The following MECOM variants were observed in gnomAD, a reference collection of about 807,000 sequenced individuals.
MECOM encodes MDS1 and EVI1 complex locus.
Under a neutral mutation model 116.3 loss-of-function variants are expected in MECOM, and 13 were observed. The ratio of observed to expected loss-of-function variants is 0.11; its 90% confidence interval spans 0.07 to 0.18. The LOEUF (loss-of-function observed/expected upper bound fraction) is 0.18, where lower values mean the gene tolerates loss of function less well. Ranked by LOEUF, MECOM falls within the 10% of genes least tolerant of loss-of-function variation. MECOM has a pLI of 1.00. For missense variants in MECOM, 1,299 were observed against 1,509.0 expected (o/e 0.86, Z 2.31); for synonymous variants, 528 against 535.2 (o/e 0.99, Z 0.19).
rs114658530 is a variant in MECOM at position 169,194,777 on chromosome 3, A to C, written c.376-50945T>G. On this transcript the variant is annotated intron_variant, in intron 2 of 16. Coordinates refer to ENST00000651503, the MANE Select transcript of MECOM (RefSeq NM_004991.4). Reference sequence around the variant, plus strand: ...CAGTCAGTCTTTCAACCTCAGAATTAAATAGAGCATCCGCCAAAGTAGTAT... The same window carrying C: ...CAGTCAGTCTTTCAACCTCAGAATTCAATAGAGCATCCGCCAAAGTAGTAT... Among the ~76,000 whole-genome samples the C allele has an allele frequency of 1.3e-3, 200 of 152,188 alleles. 1 individual carries two copies. Among genetic ancestry groups the C allele is most frequent in the African/African-American group, 4.5e-3 (187 of 41,546 alleles).
At chr3:169,582,018 C>T (rs184965023) in intron 1 of MECOM, among the ~76,000 whole-genome samples, 1 of 152,292 alleles carries the variant, frequency 6.6e-6, no homozygotes, top group South Asian at 2.1e-4. Flanking sequence ...GGAATAGACT[C>T]CCAAATATTC....
chr3:169,200,913 T>C (rs767466191), intron 2 of MECOM, among the ~76,000 whole-genome samples: 10 of 152,086 alleles, frequency 6.6e-5, no homozygotes, highest in Non-Finnish European at 1.0e-4. Context: ...CCCCAAAGAC[T>C]TTCCTGACTA....
At chr3:169,614,246 T>C (rs1198373711) in intron 1 of MECOM, among the ~76,000 whole-genome samples, 2 of 151,594 alleles carry the variant, frequency 1.3e-5, no homozygotes, top group Non-Finnish European at 2.9e-5. Context: ...TTTCCCATAC[T>C]CTTAACAAAA....
At chr3:169,202,100 C>T (rs1463283856) in intron 2 of MECOM, among the ~76,000 whole-genome samples, 1 of 152,008 alleles carries the variant, frequency 6.6e-6, no homozygotes, top group Non-Finnish European at 1.5e-5. Flanking sequence ...TTGATAATTA[C>T]CTGTTAATTA....
intron 1 of MECOM, among the ~76,000 whole-genome samples, chr3:169,443,768 G>C (rs1744128877): frequency 6.6e-6 from 1 of 152,228 alleles, no homozygotes; most frequent in Non-Finnish European, 1.5e-5. Flanking sequence ...AAACACAGCA[G>C]AGGTCAGTTT....
At chr3:169,566,661 C>G (rs1228308816) in intron 1 of MECOM, among the ~76,000 whole-genome samples, 1 of 152,146 alleles carries the variant, frequency 6.6e-6, no homozygotes, top group East Asian at 1.9e-4. Context: ...ATCCCATGCT[C>G]CCTGCAGCCA....
At chr3:169,598,710 G>T (rs1577053759) in intron 1 of MECOM, among the ~76,000 whole-genome samples, 1 of 152,156 alleles carries the variant, frequency 6.6e-6, no homozygotes, top group East Asian at 1.9e-4. Flanking sequence ...ACCGCAGTTG[G>T]TGCATATAAA....
intron 2 of MECOM, among the ~76,000 whole-genome samples, chr3:169,363,972 A>C (rs1728749964): frequency 6.6e-6 from 1 of 151,968 alleles, no homozygotes; most frequent in Non-Finnish European, 1.5e-5. Context: ...AAATACACAC[A>C]GATGCTCATC....
chr3:169,276,686 C>T (rs970945175), intron 2 of MECOM, among the ~76,000 whole-genome samples: 2 of 151,964 alleles, frequency 1.3e-5, no homozygotes, highest in Non-Finnish European at 2.9e-5. Context: ...ACTAGATCTT[C>T]TTTATGCCTT....
intron 2 of MECOM, among the ~76,000 whole-genome samples, chr3:169,194,173 C>A (rs1031849605): frequency 3.3e-5 from 5 of 151,900 alleles, no homozygotes; most frequent in Non-Finnish European, 5.9e-5. Context: ...TGATAAAGGA[C>A]CAACAAGGTA....
intron 14 of MECOM, among the ~76,000 whole-genome samples, chr3:169,092,163 T>C (rs1407197725): frequency 1.3e-5 from 2 of 152,046 alleles, no homozygotes; most frequent in Non-Finnish European, 2.9e-5. Context: ...AAAAGCTTTT[T>C]TAAATGAATT....
intron 2 of MECOM, among the ~76,000 whole-genome samples, chr3:169,367,112 T>C (rs1006633609): frequency 2.6e-5 from 4 of 151,972 alleles, no homozygotes; most frequent in Non-Finnish European, 4.4e-5. Flanking sequence ...AAAGACTATA[T>C]TGAATAAGTG....
At position 169,158,489 on chromosome 3, in the gene MECOM, T is replaced by C. The variant is rs182800971; in HGVS notation, c.376-14657A>G. Among the ~76,000 whole-genome samples, 84 of 152,306 alleles carry C rather than the reference T, an allele frequency of 5.5e-4. 1 individual carries two copies. Among genetic ancestry groups the C allele is most frequent in the Admixed American group, 4.2e-3 (64 of 15,298 alleles). On this transcript the variant is annotated intron_variant, in intron 2 of 16. Coordinates refer to ENST00000651503, the MANE Select transcript of MECOM (RefSeq NM_004991.4). ...ATGAGACGGAAACACGAATCATCTG[T>C]TTCCTCAAAAGGAATCAGTGTTCAA...
chr3:169,522,597 T>C (rs964824218), intron 1 of MECOM, among the ~76,000 whole-genome samples: 3 of 152,206 alleles, frequency 2.0e-5, no homozygotes, highest in Admixed American at 1.3e-4. Flanking sequence ...GACCAGGTGA[T>C]CTCGGCATCA....
At chr3:169,580,281 C>T (rs184559437) in intron 1 of MECOM, among the ~76,000 whole-genome samples, 39 of 152,166 alleles carry the variant, frequency 2.6e-4, no homozygotes, top group Admixed American at 9.8e-4. Flanking sequence ...TACATGAATA[C>T]GTTCTTTAGT....
chr3:169,236,702 T>C (rs1388236813), intron 2 of MECOM, among the ~76,000 whole-genome samples: 3 of 152,234 alleles, frequency 2.0e-5, no homozygotes, highest in Non-Finnish European at 4.4e-5. Flanking sequence ...GAAAAGACTC[T>C]TTGACTGTAT....
chr3:169,380,596 A>G (rs906188810), intron 2 of MECOM, among the ~76,000 whole-genome samples: 1 of 152,146 alleles, frequency 6.6e-6, no homozygotes, highest in African/African-American at 2.4e-5. Context: ...GTTTTGATGC[A>G]CAAATTACTC....
intron 2 of MECOM, among the ~76,000 whole-genome samples, chr3:169,302,115 G>A (rs1716830953): frequency 6.6e-6 from 1 of 152,144 alleles, no homozygotes; most frequent in Admixed American, 6.5e-5. Flanking sequence ...CACAATTGGG[G>A]CCCGACAGGA....
intron 1 of MECOM, among the ~76,000 whole-genome samples, chr3:169,624,272 G>A (rs1250686633): frequency 2.0e-5 from 3 of 152,214 alleles, no homozygotes; most frequent in African/African-American, 7.2e-5. Context: ...ACAGAAAGCT[G>A]AAATAAATAA....
Sources: gnomAD v4.1 joint callset for allele counts (sites outside exome capture counted in the v4.1 genomes callset) on GRCh38, gnomAD v4.1.1 for gene constraint, MANE v1.5 for transcripts, NCBI Gene and HGNC (gene_info 2026-07-23, HGNC 2026-07-21) for gene names.